The following SRPRA variants were observed in gnomAD, a reference collection of about 807,000 sequenced individuals.
The protein encoded by SRPRA is signal recognition particle receptor subunit alpha.
Under a neutral mutation model 61.1 loss-of-function variants are expected in SRPRA, and 30 were observed. The ratio of observed to expected loss-of-function variants is 0.49; its 90% CI spans 0.37 to 0.67. The LOEUF is 0.67. Ranked by LOEUF, SRPRA falls within the 30% of genes least tolerant of loss-of-function variation. The probability of loss-of-function intolerance (pLI) is 0.00; values close to 1 mark genes in which losing one functional copy is unlikely to be tolerated. For synonymous variants in SRPRA, 324 were observed against 299.7 expected (o/e 1.08, Z -0.84); for missense variants, 759 against 828.4 (o/e 0.92, Z 1.03).
chr11:126,249,668 G>A, the SRPRA span, among the ~76,000 whole-genome samples: 2 of 139,824 alleles, frequency 1.4e-5, no homozygotes, highest in Admixed American at 8.1e-5. Context: ...CGGGGCGGAG[G>A]TTGCAGTGAG....
At position 126,267,151 on chromosome 11, in the gene SRPRA, T is replaced by C; in HGVS notation, c.526+24A>G. On this transcript the variant is annotated intron_variant, in intron 4 of 13. Transcript: ENST00000332118. The surrounding 1 kb of genome is among the most constrained non-coding windows in gnomAD (Gnocchi z 4.2). ...CGTGTTAACACCTTTCATGTCCCAG[T>C]ATATCCAAAGAACTCAAACTTGCCT... 1.2e-6 allele frequency: 2 copies of C among 1,613,688 alleles called. No homozygotes were observed. The highest frequency in any genetic ancestry group is 1.7e-6 in the Non-Finnish European group (2 of 1,179,946).
rs1555058899 is a variant in SRPRA at position 126,265,256 on chromosome 11, A to G, written c.1311+12T>C. Reference sequence around the variant, plus strand: ...CAGAAATATCAGCGATAGGCTGGGGAACTGCACTGACCTTGGCAAGATTAG... The same window carrying G: ...CAGAAATATCAGCGATAGGCTGGGGGACTGCACTGACCTTGGCAAGATTAG... On this transcript the variant is annotated intron_variant, in intron 10 of 13. Transcript: ENST00000332118. The surrounding 1 kb of genome is among the most constrained non-coding windows in gnomAD (Gnocchi z 6.3). 6.2e-7 allele frequency: 1 copy of G among 1,613,868 alleles called. No individual in the cohort carries two copies.
the SRPRA span, among the ~76,000 whole-genome samples, chr11:126,251,285 A>G: frequency 6.6e-6 from 1 of 152,194 alleles, no homozygotes; most frequent in South Asian, 2.1e-4. Context: ...TTAAAGTCTC[A>G]TTGGTCCTAC....
the SRPRA span, among the ~76,000 whole-genome samples, chr11:126,252,747 T>C: frequency 1.3e-5 from 2 of 151,884 alleles, no homozygotes; most frequent in African/African-American, 4.8e-5. The surrounding 1 kb of genome is among the most constrained non-coding windows in gnomAD (Gnocchi z 4.7). Context: ...TGTCTCTAAA[T>C]AAATAGGCTG....
In SRPRA at chr11:126,265,346, A is replaced by G. The variant is rs1950786800; in HGVS notation, c.1233T>C (p.Asp411=). Residue 411 remains aspartate (D), a synonymous_variant, in exon 10 of 14, where the codon GAT becomes GAC. Coordinates refer to ENST00000332118, the MANE Select transcript of SRPRA (RefSeq NM_003139.4). The surrounding 1 kb of genome is among the most constrained non-coding windows in gnomAD (Gnocchi z 6.3). ...RRVDMLRDIM[D]AQRRQRPYVV... is the part of the protein sequence containing the mutation. ...CATAAGGGCGCTGGCGACGCTGGGC[A>G]TCCATGATGTCCCGGAGCATGTCTA... 6.2e-7 allele frequency: 1 copy of G among 1,614,126 alleles called. No homozygotes were observed. Among genetic ancestry groups the G allele is most frequent in the East Asian group, 2.2e-5 (1 of 44,868 alleles).
In SRPRA at chr11:126,265,137, G is replaced by A. The variant is rs1950780799; in HGVS notation, c.1347C>T (p.Val449=). ...GAAATGTATCACAGGCAGCAATGAG[G>A]ACACTGAAGCCATTCTCTAACAACC... The part of the protein sequence containing the change: ...SFWLLENGFS[V]LIAACDTFRA... Residue 449 remains valine (V), a synonymous_variant, in exon 11 of 14, where the codon GTC becomes GTT. Transcript: ENST00000332118. This position sits in a 1 kb window ranked among gnomAD's most constrained non-coding sequence, Gnocchi z 6.3. The A allele has an allele frequency of 6.2e-7, 1 of 1,614,054 alleles. No homozygotes were observed. The highest frequency in any genetic ancestry group is 1.3e-5 in the African/African-American group (1 of 74,926).
rs1311842771 is a variant in SRPRA at position 126,268,201 on chromosome 11, T to C, written c.118-115A>G. The C allele has an allele frequency of 3.6e-6, 3 of 836,138 alleles. No individual in the cohort carries two copies. The African/African-American group carries it at 5.1e-5, about 14-fold the overall frequency. 51.8% of individuals were successfully genotyped at this position (836,138 alleles called of 1,614,324 possible). A position where few individuals can be genotyped will look rare whatever the true frequency, so the allele number is the denominator to read the frequency against. ...AACATTTCCCCCAAACTCAAATCTG[T>C]CCCCAGGACAAGAGGATGTTGGGGC... is the stretch of plus-strand genomic sequence containing the variant. On this transcript the variant is annotated intron_variant, in intron 1 of 13. Transcript: ENST00000332118.
the SRPRA span, among the ~76,000 whole-genome samples, chr11:126,257,170 C>G: frequency 6.6e-6 from 1 of 152,168 alleles, no homozygotes; most frequent in Non-Finnish European, 1.5e-5. Flanking sequence ...CCAATTTTGG[C>G]TAAGGCTGTG....
At chr11:126,240,990 T>A in the SRPRA span, 1 of 1,613,952 alleles carries the variant, frequency 6.2e-7, no homozygotes, top group Non-Finnish European at 8.5e-7. Flanking sequence ...AATGTCTCCA[T>A]GAAGACAAGA....
intron 1 of SRPRA, among the ~76,000 whole-genome samples, 189 bp downstream of exon 1, chr11:126,268,498 GC>G (rs1950868775): frequency 6.6e-6 from 1 of 152,100 alleles, no homozygotes; most frequent in African/African-American, 2.4e-5. Context: ...GACACCAGAG[GC>G]GGGGGCCGTC....
chr11:126,247,881 C>CTA, the SRPRA span, among the ~76,000 whole-genome samples: 131 of 138,848 alleles, frequency 9.4e-4, no homozygotes, highest in Middle Eastern at 4.0e-3. Context: ...ATATATATAT[C>CTA]TATATATATA....
the SRPRA span, among the ~76,000 whole-genome samples, chr11:126,240,077 AAG>A: frequency 8.5e-3 from 1,289 of 152,298 alleles, 24 homozygotes; most frequent in African/African-American, 0.03. Context: ...TCCAGAATGA[AAG>A]AGAGGGGAAC....
chr11:126,254,557 G>C, the SRPRA span: 6 of 1,298,326 alleles, frequency 4.6e-6, no homozygotes, highest in African/African-American at 7.3e-5. Context: ...CAGGGGCTAG[G>C]AGCAGTGGCT....
rs1397926932 is a variant in SRPRA, at chr11:126,268,870, G to T, written c.-66C>A. On this transcript the variant is annotated 5_prime_UTR_variant, in exon 1 of 14. Transcript: ENST00000332118. Reference sequence around the variant, plus strand: ...CAGGCCGCGTTCGCCGCCGCTTCCTGCTGCGCCAAGCGCGGGACACGTCAC... The same window carrying T: ...CAGGCCGCGTTCGCCGCCGCTTCCTTCTGCGCCAAGCGCGGGACACGTCAC... 12 of 1,332,258 alleles carry T rather than the reference G, an allele frequency of 9.0e-6. No individual in the cohort carries two copies. In the Admixed American group the frequency reaches 1.0e-4, roughly 12 times the overall value. 82.5% of individuals were successfully genotyped at this position (1,332,258 alleles called of 1,614,324 possible). A position where few individuals can be genotyped will look rare whatever the true frequency, so the allele number is the denominator to read the frequency against.
In SRPRA at chr11:126,266,744, C is replaced by A. The variant is rs769099105; in HGVS notation, c.686+19G>T. ...TCTAGATAACAGTATTTTGAGAGTA[C>A]TGGAGAAAGAGTGCTCACTTGGACT... On this transcript the variant is annotated intron_variant, in intron 5 of 13. Transcript: ENST00000332118. The A allele has an allele frequency of 2.5e-6, 4 of 1,612,954 alleles. No individual in the cohort carries two copies. The highest frequency in any genetic ancestry group is 1.7e-5 in the Admixed American group (1 of 59,884).
the SRPRA span, among the ~76,000 whole-genome samples, chr11:126,239,502 T>C: frequency 6.6e-6 from 1 of 152,288 alleles, no homozygotes; most frequent in Admixed American, 6.5e-5. Context: ...TTTTTCATCA[T>C]TTGCTTCTAA....
At chr11:126,254,081 GCTTA>G in the SRPRA span, among the ~76,000 whole-genome samples, 1 of 152,180 alleles carries the variant, frequency 6.6e-6, no homozygotes, top group African/African-American at 2.4e-5. Flanking sequence ...GATTTTTGAT[GCTTA>G]CTTTCAAAGA....
chr11:126,265,580 A>G lies in SRPRA; in HGVS notation c.1139-140T>C. 4.2e-6 allele frequency: 5 copies of G among 1,201,150 alleles called. No homozygotes were observed. The highest frequency in any genetic ancestry group is 5.9e-6 in the Non-Finnish European group (5 of 850,356). 74.4% of individuals were successfully genotyped at this position (1,201,150 alleles called of 1,614,324 possible). A position where few individuals can be genotyped will look rare whatever the true frequency, so the allele number is the denominator to read the frequency against. The stretch of plus-strand genomic sequence containing the variant: ...GAAATCCAGAACAGACGCACATTAC[A>G]AGGACTAACTCACTGAATCCTCTCA... On this transcript the variant is annotated intron_variant, in intron 9 of 13. Coordinates refer to ENST00000332118, the MANE Select transcript of SRPRA (RefSeq NM_003139.4). The surrounding 1 kb of genome is among the most constrained non-coding windows in gnomAD (Gnocchi z 6.3).
chr11:126,268,807 C>A lies in SRPRA; in HGVS notation c.-3G>T. Reference sequence around the variant, plus strand: ...AAAATGGTGAAGAAGTCGAGCATGGCGGCAGCGGCAGAGGAGCTGGGGCCG... The same window carrying A: ...AAAATGGTGAAGAAGTCGAGCATGGAGGCAGCGGCAGAGGAGCTGGGGCCG... On this transcript the variant is annotated 5_prime_UTR_variant, in exon 1 of 14. Coordinates refer to ENST00000332118, the MANE Select transcript of SRPRA (RefSeq NM_003139.4). 6.2e-7 allele frequency: 1 copy of A among 1,611,956 alleles called. No homozygotes were observed. The highest frequency in any genetic ancestry group is 8.5e-7 in the Non-Finnish European group (1 of 1,178,940).
Sources: allele counts gnomAD v4.1 joint callset (sites outside exome capture counted in the v4.1 genomes callset), GRCh38; gene constraint gnomAD v4.1.1; non-coding constraint Gnocchi (gnomAD v3.1); transcripts MANE v1.5; gene names NCBI Gene and HGNC (gene_info 2026-07-23, HGNC 2026-07-21).